Variants in ST6GALNAC3 observed in about 807,000 individuals in gnomAD.
ST6GALNAC3 encodes the protein alpha-N-acetylgalactosaminide alpha-2,6-sialyltransferase 3.
Under a neutral mutation model 32.7 loss-of-function variants are expected in ST6GALNAC3, and 25 were observed. The ratio of observed to expected loss-of-function variants is 0.76; its 90% CI spans 0.56 to 1.07. The LOEUF (loss-of-function observed/expected upper bound fraction) is 1.07. ST6GALNAC3 is among the 50% of genes least tolerant of loss of function. The probability of loss-of-function intolerance (pLI) is 0.00; values close to 1 mark genes in which losing one functional copy is unlikely to be tolerated. For missense variants in ST6GALNAC3, 355 were observed against 382.4 expected (o/e 0.93, Z 0.60); for synonymous variants, 129 against 133.1 (o/e 0.97, Z 0.21).
intron 1 of ST6GALNAC3, among the ~76,000 whole-genome samples, chr1:76,189,172 C>T (rs572862541): frequency 2.9e-4 from 44 of 152,286 alleles, no homozygotes; most frequent in African/African-American, 1.1e-3. Context: ...GGGATCCTGG[C>T]CCTGCAGGGC....
At chr1:76,514,941 G>A (rs1662084845) in intron 3 of ST6GALNAC3, among the ~76,000 whole-genome samples, 1 of 152,056 alleles carries the variant, frequency 6.6e-6, no homozygotes, top group Non-Finnish European at 1.5e-5. Flanking sequence ...GAATTTTTAT[G>A]TCTATGTTTA....
intron 1 of ST6GALNAC3, among the ~76,000 whole-genome samples, chr1:76,251,122 A>G (rs993533012): frequency 6.6e-6 from 1 of 152,070 alleles, no homozygotes; most frequent in African/African-American, 2.4e-5. Flanking sequence ...TCCACCTTCA[A>G]CAATGTATTC....
intron 2 of ST6GALNAC3, among the ~76,000 whole-genome samples, chr1:76,332,942 T>C (rs768773279): frequency 5.3e-5 from 8 of 152,082 alleles, no homozygotes; most frequent in Non-Finnish European, 1.2e-4. Context: ...TTATACCTGA[T>C]TCAACCAGAA....
chr1:76,135,775 G>A (rs1289661992), intron 1 of ST6GALNAC3, among the ~76,000 whole-genome samples: 3 of 152,082 alleles, frequency 2.0e-5, no homozygotes, highest in Admixed American at 6.5e-5. Flanking sequence ...ACATCAGGTA[G>A]AAAGGTGATT....
intron 3 of ST6GALNAC3, among the ~76,000 whole-genome samples, chr1:76,415,121 T>C (rs1467807844): frequency 6.6e-6 from 1 of 151,516 alleles, no homozygotes; most frequent in Non-Finnish European, 1.5e-5. Flanking sequence ...ATGATCTTTC[T>C]TTTTCTGCTA....
intron 1 of ST6GALNAC3, among the ~76,000 whole-genome samples, chr1:76,156,223 A>T (rs1312910046): frequency 6.6e-6 from 1 of 152,180 alleles, no homozygotes; most frequent in Admixed American, 6.5e-5. Context: ...TTAACGTTGT[A>T]GATGTTGAAC....
chr1:76,456,386 G>A (rs1035935781), intron 3 of ST6GALNAC3, among the ~76,000 whole-genome samples: 3 of 151,176 alleles, frequency 2.0e-5, no homozygotes, highest in Non-Finnish European at 2.9e-5. Flanking sequence ...TCATTCTGTT[G>A]CCCAAGTTGG....
chr1:76,464,067 G>T (rs916106363), intron 3 of ST6GALNAC3, among the ~76,000 whole-genome samples: 4 of 151,970 alleles, frequency 2.6e-5, no homozygotes, highest in Non-Finnish European at 5.9e-5. Context: ...CCCCTATAGG[G>T]TACTGTGCCA....
At chr1:76,262,578 G>A (rs1415573900) in intron 1 of ST6GALNAC3, among the ~76,000 whole-genome samples, 1 of 152,194 alleles carries the variant, frequency 6.6e-6, no homozygotes, top group Non-Finnish European at 1.5e-5. Context: ...CTGGCTGTCT[G>A]TAGAATGAGG....
At chr1:76,353,090 C>T (rs1357967822) in intron 2 of ST6GALNAC3, among the ~76,000 whole-genome samples, 1 of 152,168 alleles carries the variant, frequency 6.6e-6, no homozygotes, top group African/African-American at 2.4e-5. Context: ...TTACTCCACT[C>T]CCCTTCTTAA....
chr1:76,434,792 T>C (rs1413676804), intron 3 of ST6GALNAC3, among the ~76,000 whole-genome samples: 1 of 140,394 alleles, frequency 7.1e-6, no homozygotes, highest in Non-Finnish European at 1.5e-5. Flanking sequence ...CTGTTTTTTT[T>C]TTTTTTTTTT....
intron 1 of ST6GALNAC3, among the ~76,000 whole-genome samples, chr1:76,083,280 A>G (rs1442005068): frequency 1.3e-5 from 2 of 152,240 alleles, no homozygotes; most frequent in Admixed American, 1.3e-4. Flanking sequence ...TGATCCCTCT[A>G]TTTGGGACTA....
chr1:76,558,968 G>A (rs1665087047), intron 3 of ST6GALNAC3, among the ~76,000 whole-genome samples: 3 of 152,040 alleles, frequency 2.0e-5, no homozygotes, highest in Admixed American at 1.3e-4. Context: ...GAGGCAATGT[G>A]CTGAGTTTTC....
At chr1:76,457,155 AG>A (rs1657877995) in intron 3 of ST6GALNAC3, among the ~76,000 whole-genome samples, 1 of 152,074 alleles carries the variant, frequency 6.6e-6, no homozygotes, top group Non-Finnish European at 1.5e-5. Flanking sequence ...AGGGATGTGA[AG>A]GACCTCTTCA....
intron 1 of ST6GALNAC3, among the ~76,000 whole-genome samples, chr1:76,170,882 T>C (rs1652445161): frequency 1.3e-5 from 2 of 152,138 alleles, no homozygotes; most frequent in Non-Finnish European, 2.9e-5. Flanking sequence ...CAGGAGTGAA[T>C]AATATGAGTT....
chr1:76,503,718 G>A (rs1661314825), intron 3 of ST6GALNAC3, among the ~76,000 whole-genome samples: 1 of 152,174 alleles, frequency 6.6e-6, no homozygotes, highest in Non-Finnish European at 1.5e-5. Context: ...AGTAGCAATA[G>A]TAGTAGTAGT....
chr1:76,293,115 A>T (rs1660191941), intron 1 of ST6GALNAC3, among the ~76,000 whole-genome samples: 2 of 152,200 alleles, frequency 1.3e-5, no homozygotes, highest in Non-Finnish European at 1.5e-5. Context: ...TATAAAGGAA[A>T]CATTTCCCCT....
chr1:76,507,285 G>T (rs955173296), intron 3 of ST6GALNAC3, among the ~76,000 whole-genome samples: 1 of 152,038 alleles, frequency 6.6e-6, no homozygotes, highest in South Asian at 2.1e-4. Context: ...GCTTTATTAG[G>T]ATATAATTCA....
At chr1:76,620,402 G>A (rs1161467144) in intron 3 of ST6GALNAC3, among the ~76,000 whole-genome samples, 6 of 152,058 alleles carry the variant, frequency 3.9e-5, no homozygotes, top group African/African-American at 1.4e-4. Context: ...GACACACATT[G>A]TCTTGGTCTG....
Sources: gnomAD v4.1 joint callset for allele counts (sites outside exome capture counted in the v4.1 genomes callset) on GRCh38, gnomAD v4.1.1 for gene constraint, MANE v1.5 for transcripts, NCBI Gene and HGNC (gene_info 2026-07-23, HGNC 2026-07-21) for gene names.